UNC79: variants seen among roughly 807,000 people sequenced by gnomAD.
UNC79 encodes the protein protein unc-79 homolog.
Under a neutral mutation model 283.1 loss-of-function variants are expected in UNC79, and 37 were observed. The observed-to-expected ratio is 0.13, with a 90% confidence interval of 0.10 to 0.17. The LOEUF (loss-of-function observed/expected upper bound fraction) is 0.17, where lower values mean the gene tolerates loss of function less well. Ranked by LOEUF, UNC79 falls within the 10% of genes least tolerant of loss-of-function variation. The probability of loss-of-function intolerance (pLI) is 1.00; values close to 1 mark genes in which losing one functional copy is unlikely to be tolerated. For missense variants in UNC79, 2,272 were observed against 3,211.1 expected (o/e 0.71, Z 7.07); for synonymous variants, 1,107 against 1,200.2 (o/e 0.92, Z 1.61).
intron 1 of UNC79, among the ~76,000 whole-genome samples, chr14:93,387,042 A>T (rs2054792593): frequency 7.1e-6 from 1 of 140,438 alleles, no homozygotes; most frequent in Admixed American, 8.0e-5. Context: ...TCTCAGGTAC[A>T]ATCGATTCTC....
chr14:93,338,198 G>A (rs1226810182), intron 1 of UNC79, among the ~76,000 whole-genome samples: 3 of 152,080 alleles, frequency 2.0e-5, no homozygotes, highest in Admixed American at 6.5e-5. Flanking sequence ...TCCAGCTGGC[G>A]AAGCAACACC....
chr14:93,508,150 A>T (rs28821197), intron 7 of UNC79, among the ~76,000 whole-genome samples: 77,994 of 150,856 alleles, frequency 0.52, 20,639 homozygotes, highest in Admixed American at 0.62. Context: ...TATTTTAGAG[A>T]CTTTGCATTT....
chr14:93,565,270 C>T (rs1161346516), intron 14 of UNC79, among the ~76,000 whole-genome samples: 2 of 152,170 alleles, frequency 1.3e-5, no homozygotes, highest in African/African-American at 4.8e-5. Context: ...GTACTTTCTT[C>T]AGGGTCTTCT....
chr14:93,578,903 T>C (rs2063622684), intron 18 of UNC79, among the ~76,000 whole-genome samples: 1 of 152,214 alleles, frequency 6.6e-6, no homozygotes, highest in South Asian at 2.1e-4. Flanking sequence ...CAGATACTGT[T>C]TCCTTTGTCT....
chr14:93,572,541 G>C (rs148634225), intron 15 of UNC79, 152 bp from the exon 16 acceptor site: 3 of 1,118,680 alleles, frequency 2.7e-6, no homozygotes, highest in Non-Finnish European at 3.8e-6. Flanking sequence ...TTCTCTTACA[G>C]TAAAGTGAAA....
intron 1 of UNC79, among the ~76,000 whole-genome samples, chr14:93,461,647 T>C (rs532866721): frequency 4.6e-5 from 7 of 152,326 alleles, no homozygotes; most frequent in African/African-American, 1.7e-4. Flanking sequence ...AATTCAGTAC[T>C]TAATAGGCAC....
Position 93,617,035 on chromosome 14 carries a change from A to G in UNC79, c.4042-87A>G, listed in dbSNP as rs553949430. ...AATATTTTGCCTGTTAAAAATTTTAACCACTGGGATGGCTCAAATTTTTCC... is the reference window on the plus strand; with the variant it reads ...AATATTTTGCCTGTTAAAAATTTTAGCCACTGGGATGGCTCAAATTTTTCC... On this transcript the variant is annotated intron_variant, in intron 27 of 48. Transcript: ENST00000555664. The surrounding 1 kb of genome is among the most constrained non-coding windows in gnomAD (Gnocchi z 4.5). The G allele has an allele frequency of 1.6e-6, 2 of 1,237,792 alleles. No individual in the cohort carries two copies. The highest frequency in any genetic ancestry group is 2.4e-5 in the East Asian group (1 of 41,260). The allele number at this position is 1,237,792 out of a possible 1,614,324, so 76.7% of individuals were successfully genotyped here.
At chr14:93,440,276 A>T (rs923187255) in intron 1 of UNC79, among the ~76,000 whole-genome samples, 1 of 152,000 alleles carries the variant, frequency 6.6e-6, no homozygotes, top group African/African-American at 2.4e-5. Context: ...TCCCTGGTGG[A>T]TACTGAGGGA....
intron 10 of UNC79, 138 bp downstream of exon 10, chr14:93,529,464 G>A (rs2060703193): frequency 1.1e-6 from 1 of 902,714 alleles, no homozygotes; most frequent in East Asian, 2.8e-5. Context: ...TTGATATGAA[G>A]CATAATATCA....
chr14:93,434,378 T>C (rs1332331140), intron 1 of UNC79, among the ~76,000 whole-genome samples: 1 of 152,192 alleles, frequency 6.6e-6, no homozygotes, highest in Non-Finnish European at 1.5e-5. Flanking sequence ...GTTAAATTTT[T>C]TTTTTCTCCA....
intron 1 of UNC79, among the ~76,000 whole-genome samples, chr14:93,436,968 A>T (rs2056105092): frequency 6.6e-6 from 1 of 152,096 alleles, no homozygotes; most frequent in African/African-American, 2.4e-5. Flanking sequence ...AGTGGTGTTC[A>T]GCATTTCAGG....
intron 35 of UNC79, among the ~76,000 whole-genome samples, chr14:93,651,166 G>C (rs976762022): frequency 3.3e-5 from 5 of 152,310 alleles, no homozygotes; most frequent in African/African-American, 1.2e-4. Context: ...GCACCACACT[G>C]TCTTGATTAT....
chr14:93,564,339 G>A (rs1427646952), intron 14 of UNC79, among the ~76,000 whole-genome samples: 1 of 152,218 alleles, frequency 6.6e-6, no homozygotes, highest in Admixed American at 6.5e-5. Context: ...ACCATGCCTA[G>A]GAAGGAAAGG....
chr14:93,639,591 CATA>C (rs1299356838), intron 32 of UNC79, among the ~76,000 whole-genome samples: 3 of 152,282 alleles, frequency 2.0e-5, no homozygotes, highest in South Asian at 2.1e-4. Context: ...AGCTGATAAA[CATA>C]GTAGTAAAAT....
chr14:93,700,534 G>A (rs1461491663), intron 47 of UNC79, among the ~76,000 whole-genome samples: 1 of 151,976 alleles, frequency 6.6e-6, no homozygotes, highest in Non-Finnish European at 1.5e-5. Context: ...TTTTGTTGTT[G>A]TTGTTTCTTA....
chr14:93,409,130 C>CAAA (rs1157012137), intron 1 of UNC79, among the ~76,000 whole-genome samples: 2 of 152,130 alleles, frequency 1.3e-5, no homozygotes, highest in African/African-American at 4.8e-5. Context: ...TCAAAACTCT[C>CAAA]ATTATTTGTA....
chr14:93,607,323 G>A (rs529856254), intron 26 of UNC79, among the ~76,000 whole-genome samples: 5 of 152,158 alleles, frequency 3.3e-5, no homozygotes, highest in Non-Finnish European at 7.4e-5. Flanking sequence ...TAATAGGTAT[G>A]TAATAATGAT....
intron 1 of UNC79, among the ~76,000 whole-genome samples, chr14:93,357,167 G>C (rs573630074): frequency 1.3e-5 from 2 of 152,250 alleles, no homozygotes; most frequent in African/African-American, 4.8e-5. Flanking sequence ...ATAGGACGAT[G>C]GCCTCCAGCT....
At chr14:93,657,322 A>G (rs557215894) in intron 38 of UNC79, among the ~76,000 whole-genome samples, 2 of 151,802 alleles carry the variant, frequency 1.3e-5, no homozygotes, top group Non-Finnish European at 2.9e-5. Flanking sequence ...CGCACAGGCT[A>G]AGAGAAGGGA....
Sources: allele counts gnomAD v4.1 joint callset (sites outside exome capture counted in the v4.1 genomes callset), GRCh38; gene constraint gnomAD v4.1.1; non-coding constraint Gnocchi (gnomAD v3.1); transcripts MANE v1.5; gene names NCBI Gene and HGNC (gene_info 2026-07-23, HGNC 2026-07-21).